The following LHFPL3 variants were observed in gnomAD, a reference collection of about 807,000 sequenced individuals.
LHFPL3 encodes the protein LHFPL tetraspan subfamily member 3 protein.
In LHFPL3, 5 loss-of-function variants were observed where a neutral mutation model predicts 19.3. That is an observed-to-expected ratio of 0.26 (90% confidence interval 0.14 to 0.54). LHFPL3 has a LOEUF of 0.54. LHFPL3 is among the 20% of genes least tolerant of loss of function. The probability of loss-of-function intolerance (pLI) is 0.94; values close to 1 mark genes in which losing one functional copy is unlikely to be tolerated. For missense variants in LHFPL3, 249 were observed against 307.4 expected (o/e 0.81, Z 1.42); for synonymous variants, 133 against 126.2 (o/e 1.05, Z -0.36).
At chr7:104,766,731 G>A (rs1411879187) in intron 2 of LHFPL3, among the ~76,000 whole-genome samples, 2 of 152,160 alleles carry the variant, frequency 1.3e-5, no homozygotes, top group African/African-American at 4.8e-5. Flanking sequence ...GACATCAAAG[G>A]ATGAGAAAGA....
chr7:104,739,975 C>A (rs997493520), intron 2 of LHFPL3, among the ~76,000 whole-genome samples: 12 of 152,134 alleles, frequency 7.9e-5, no homozygotes, highest in Admixed American at 7.2e-4. Context: ...ATAATTTCCA[C>A]GTGTTGGGAA....
chr7:104,345,589 C>T (rs1352440924), intron 1 of LHFPL3, among the ~76,000 whole-genome samples: 1 of 152,062 alleles, frequency 6.6e-6, no homozygotes, highest in Non-Finnish European at 1.5e-5. Context: ...AGTCTATGTT[C>T]ATTATAAAAA....
chr7:104,397,642 G>T (rs900956649), intron 1 of LHFPL3, among the ~76,000 whole-genome samples: 1 of 152,148 alleles, frequency 6.6e-6, no homozygotes, highest in Non-Finnish European at 1.5e-5. Flanking sequence ...TAGTGACAGA[G>T]GGAGGGACAT....
intron 2 of LHFPL3, among the ~76,000 whole-genome samples, chr7:104,855,368 C>G (rs1401399165): frequency 6.6e-6 from 1 of 152,192 alleles, no homozygotes; most frequent in African/African-American, 2.4e-5. Flanking sequence ...ACTTTTAATG[C>G]TGATCAAGAT....
Position 104,906,521 on chromosome 7 carries a change from T to C in LHFPL3, c.*306T>C, listed in dbSNP as rs1792619122. 7.4e-6 allele frequency: 3 copies of C among 403,246 alleles called. No homozygotes were observed. Among genetic ancestry groups the C allele is most frequent in the African/African-American group, 6.1e-5 (3 of 49,306 alleles). 25.0% of individuals were successfully genotyped at this position (403,246 alleles called of 1,614,324 possible). A position where few individuals can be genotyped will look rare whatever the true frequency, so the allele number is the denominator to read the frequency against. The stretch of plus-strand genomic sequence containing the variant: ...ATTCAGGAAATAAGGAAGAGGAATA[T>C]AAATGCTCTAGAGTTAACATGTAAA... On this transcript the variant is annotated 3_prime_UTR_variant, in exon 3 of 3. Coordinates refer to ENST00000424859, the MANE Select transcript of LHFPL3 (RefSeq NM_199000.3).
chr7:104,689,506 T>C (rs1200145513), intron 1 of LHFPL3, among the ~76,000 whole-genome samples: 1 of 152,170 alleles, frequency 6.6e-6, no homozygotes, highest in Non-Finnish European at 1.5e-5. Context: ...TCAGTCAATT[T>C]CCAGACTTGA....
chr7:104,769,275 A>G (rs1031964594), intron 2 of LHFPL3, among the ~76,000 whole-genome samples: 1 of 152,202 alleles, frequency 6.6e-6, no homozygotes, highest in Non-Finnish European at 1.5e-5. Context: ...ACAAAAAGAC[A>G]TATTTCAGCA....
intron 1 of LHFPL3, among the ~76,000 whole-genome samples, chr7:104,407,806 GA>G (rs1791449973): frequency 6.6e-6 from 1 of 152,206 alleles, no homozygotes; most frequent in South Asian, 2.1e-4. Flanking sequence ...AACTTGGAAT[GA>G]AATAACTTTA....
At chr7:104,541,270 C>T (rs1307486707) in intron 1 of LHFPL3, among the ~76,000 whole-genome samples, 3 of 152,100 alleles carry the variant, frequency 2.0e-5, no homozygotes, top group Middle Eastern at 3.2e-3. Context: ...TTTTACCACC[C>T]ATTGCATTAG....
intron 1 of LHFPL3, among the ~76,000 whole-genome samples, chr7:104,565,423 G>A (rs1476728959): frequency 6.6e-6 from 1 of 152,162 alleles, no homozygotes; most frequent in Non-Finnish European, 1.5e-5. Context: ...TAAGAATCAG[G>A]ACTAATCTGG....
intron 2 of LHFPL3, among the ~76,000 whole-genome samples, chr7:104,799,168 T>C (rs1790192591): frequency 6.6e-6 from 1 of 152,218 alleles, no homozygotes; most frequent in African/African-American, 2.4e-5. Flanking sequence ...TTTTGCCCTG[T>C]TCTCAAATGC....
intron 1 of LHFPL3, among the ~76,000 whole-genome samples, chr7:104,589,555 A>G (rs1322650486): frequency 1.3e-5 from 2 of 151,984 alleles, no homozygotes; most frequent in African/African-American, 4.8e-5. Flanking sequence ...TTCATCAGGG[A>G]TATTGGTCTA....
At chr7:104,649,179 G>T (rs1562957858) in intron 1 of LHFPL3, among the ~76,000 whole-genome samples, 1 of 152,168 alleles carries the variant, frequency 6.6e-6, no homozygotes, top group Non-Finnish European at 1.5e-5. Flanking sequence ...GGAAGAGCAG[G>T]GAAAGGCATT....
Position 104,902,093 on chromosome 7 carries a change from T to C in LHFPL3, c.683-4094T>C, listed in dbSNP as rs547594888. Among the ~76,000 whole-genome samples, 12 of 152,160 alleles carry C rather than the reference T, an allele frequency of 7.9e-5. No individual in the cohort carries two copies. In the East Asian group the frequency reaches 2.3e-3, roughly 29 times the overall value. On this transcript the variant is annotated intron_variant, in intron 2 of 2. Coordinates refer to ENST00000424859, the MANE Select transcript of LHFPL3 (RefSeq NM_199000.3). ...ACAATACTCAACAAAGAAGAAACCT[T>C]TAATGGCCAGGTGCAGTGGCTCATG...
At chr7:104,444,830 A>G (rs569450377) in intron 1 of LHFPL3, among the ~76,000 whole-genome samples, 1 of 152,208 alleles carries the variant, frequency 6.6e-6, no homozygotes, top group East Asian at 1.9e-4. Context: ...CTCTACAAAA[A>G]ATACAAAATT....
At chr7:104,533,129 T>C (rs537164649) in intron 1 of LHFPL3, among the ~76,000 whole-genome samples, 17 of 152,334 alleles carry the variant, frequency 1.1e-4, no homozygotes, top group African/African-American at 3.8e-4. Context: ...TGCATTAAAA[T>C]GTTTTTTGTA....
At position 104,570,953 on chromosome 7, in the gene LHFPL3, T is replaced by C. The variant is rs532534343; in HGVS notation, c.446-165722T>C. Reference sequence around the variant, plus strand: ...AATCATTCTGGAATATTGGCTGTTATTATTTTGTAAAGACTCAGACATTTT... The same window carrying C: ...AATCATTCTGGAATATTGGCTGTTACTATTTTGTAAAGACTCAGACATTTT... On this transcript the variant is annotated intron_variant, in intron 1 of 2. Transcript: ENST00000424859. Among the ~76,000 whole-genome samples the C allele has an allele frequency of 9.2e-5, 14 of 152,352 alleles. No homozygotes were observed. The East Asian group carries it at 2.3e-3, about 25-fold the overall frequency.
At chr7:104,349,944 C>T (rs969068561) in intron 1 of LHFPL3, among the ~76,000 whole-genome samples, 70 of 152,126 alleles carry the variant, frequency 4.6e-4, no homozygotes, top group African/African-American at 1.5e-3. Flanking sequence ...TCCTTTTGCC[C>T]ACGATAGTGC....
At chr7:104,696,370 T>G (rs4270895) in intron 1 of LHFPL3, among the ~76,000 whole-genome samples, 14,382 of 152,254 alleles carry the variant, frequency 0.094, 1,091 homozygotes, top group East Asian at 0.44. Flanking sequence ...TGTATGCACT[T>G]GGCAAATGGG....
Sources: allele counts gnomAD v4.1 joint callset (sites outside exome capture counted in the v4.1 genomes callset), GRCh38; gene constraint gnomAD v4.1.1; transcripts MANE v1.5; gene names NCBI Gene and HGNC (gene_info 2026-07-23, HGNC 2026-07-21).